Variants in VPS13B observed in about 807,000 individuals in gnomAD.
The protein encoded by VPS13B is vacuolar protein sorting 13 homolog B.
In VPS13B, 285 loss-of-function variants were observed where a neutral mutation model predicts 426.4. The ratio of observed to expected loss-of-function variants is 0.67; its 90% confidence interval spans 0.61 to 0.74. The LOEUF is 0.74. Among genes scored for constraint, VPS13B ranks in the 30% least tolerant of loss-of-function variants. The pLI, the probability that VPS13B is intolerant of heterozygous loss-of-function variation, is 0.00. For missense variants in VPS13B, 4,537 were observed against 4,782.6 expected (o/e 0.95, Z 1.51); for synonymous variants, 1,676 against 1,676.4 (o/e 1.00, Z 0.01).
rs760171272 is a variant in VPS13B, at chr8:99,111,189, C to T, written c.672C>T (p.Tyr224=). The change falls in exon 6 of 62, where the codon TAC becomes TAT. Residue 224 remains tyrosine (Y), a synonymous_variant. Coordinates refer to ENST00000357162, the MANE Select transcript of VPS13B (RefSeq NM_152564.5). ...KRNASGKIEF[Y]QDPLLYKCSF... is the part of the protein sequence containing the mutation. ...ATGCCAGTGGTAAAATAGAATTTTA[C>T]CAGGATCCTTTATTATACAAATGTT... The T allele has an allele frequency of 6.3e-6, 10 of 1,599,214 alleles. No homozygotes were observed. In the East Asian group the frequency reaches 1.8e-4, roughly 29 times the overall value.
intron 33 of VPS13B, among the ~76,000 whole-genome samples, chr8:99,618,295 A>T (rs1478905439): frequency 6.6e-6 from 1 of 152,060 alleles, no homozygotes; most frequent in Non-Finnish European, 1.5e-5. Flanking sequence ...AAAAAAAAAA[A>T]AAAAAATTCT....
chr8:99,050,859 T>G (rs532330718), intron 3 of VPS13B, among the ~76,000 whole-genome samples: 1 of 152,364 alleles, frequency 6.6e-6, no homozygotes, highest in South Asian at 2.1e-4. Flanking sequence ...TTCATATGCT[T>G]TGCCCACTTT....
intron 20 of VPS13B, among the ~76,000 whole-genome samples, chr8:99,390,603 G>A (rs1304028505): frequency 6.6e-6 from 1 of 152,010 alleles, no homozygotes; most frequent in African/African-American, 2.4e-5. Context: ...TAAAACTTTG[G>A]TTGTGGTACT....
At chr8:99,696,468 C>T (rs1274305687) in intron 35 of VPS13B, 8 of 383,556 alleles carry the variant, frequency 2.1e-5, no homozygotes, top group East Asian at 6.2e-5. Flanking sequence ...TCTCCGGATC[C>T]GCGCCGACCT....
At chr8:99,765,198 T>C (rs1424968861) in intron 39 of VPS13B, among the ~76,000 whole-genome samples, 1 of 152,188 alleles carries the variant, frequency 6.6e-6, no homozygotes, top group Non-Finnish European at 1.5e-5. Flanking sequence ...TGAGCTGAGA[T>C]CGTACCACTT....
At chr8:99,382,284 G>C (rs1422706368) in intron 19 of VPS13B, among the ~76,000 whole-genome samples, 2 of 151,994 alleles carry the variant, frequency 1.3e-5, no homozygotes, top group South Asian at 4.1e-4. Context: ...TGTTCTTTTA[G>C]CTTAGGATTG....
At chr8:99,824,130 TG>T in intron 51 of VPS13B, 152 bp downstream of exon 51, 16 of 975,516 alleles carry the variant, frequency 1.6e-5, no homozygotes, top group South Asian at 3.0e-5. Flanking sequence ...AAACCATGAA[TG>T]TCATGGTCAC....
At chr8:99,822,240 T>C (rs577274415) in intron 50 of VPS13B, among the ~76,000 whole-genome samples, 4 of 152,320 alleles carry the variant, frequency 2.6e-5, no homozygotes, top group African/African-American at 9.6e-5. Flanking sequence ...CAGATTGACC[T>C]TTTTCAGGGG....
chr8:99,025,333 G>C (rs1050416808), intron 2 of VPS13B, among the ~76,000 whole-genome samples: 1 of 152,062 alleles, frequency 6.6e-6, no homozygotes, highest in African/African-American at 2.4e-5. Context: ...GTTGAATAAG[G>C]GTGGTGAAAA....
chr8:99,783,807 T>TAC (rs1017848255), intron 42 of VPS13B, among the ~76,000 whole-genome samples: 10 of 151,898 alleles, frequency 6.6e-5, no homozygotes, highest in South Asian at 4.1e-4. Flanking sequence ...TGAGCAGATT[T>TAC]ACACACACAC....
In VPS13B at chr8:99,352,498, A is replaced by C. The variant is rs1811944456; in HGVS notation, c.2825-31710A>C. ...TTGAGTTTTAAAAGATGAAAGAAAAATGTATATGACCAGGAAAACTTGAGC... is the reference window on the plus strand; with the variant it reads ...TTGAGTTTTAAAAGATGAAAGAAAACTGTATATGACCAGGAAAACTTGAGC... On this transcript the variant is annotated intron_variant, in intron 19 of 61. Transcript: ENST00000357162. 1.3e-5 allele frequency among the ~76,000 whole-genome samples: 2 copies of C among 152,218 alleles called. 1 individual carries two copies. Among genetic ancestry groups the C allele is most frequent in the South Asian group, 4.1e-4 (2 of 4,834 alleles).
At chr8:99,654,240 G>A (rs1002604448) in intron 34 of VPS13B, among the ~76,000 whole-genome samples, 11 of 151,732 alleles carry the variant, frequency 7.2e-5, no homozygotes, top group African/African-American at 2.2e-4. Flanking sequence ...AGTAGAGACG[G>A]GGTTTCACTG....
chr8:99,459,615 A>C (rs1435954547), intron 23 of VPS13B, among the ~76,000 whole-genome samples: 2 of 152,196 alleles, frequency 1.3e-5, no homozygotes, highest in African/African-American at 2.4e-5. Flanking sequence ...AGTTTTGGTA[A>C]GTATTAATTG....
intron 34 of VPS13B, among the ~76,000 whole-genome samples, chr8:99,646,548 T>C (rs1279735344): frequency 1.3e-5 from 2 of 152,172 alleles, no homozygotes; most frequent in African/African-American, 4.8e-5. Context: ...TTTATTCTTT[T>C]CTATAAGGTA....
At chr8:99,528,289 A>G (rs1044830593) in intron 30 of VPS13B, among the ~76,000 whole-genome samples, 2 of 152,106 alleles carry the variant, frequency 1.3e-5, no homozygotes, top group Non-Finnish European at 2.9e-5. Context: ...TATTAATACA[A>G]TAGGGATCTT....
At chr8:99,073,834 G>T (rs555381789) in intron 3 of VPS13B, among the ~76,000 whole-genome samples, 1 of 150,968 alleles carries the variant, frequency 6.6e-6, no homozygotes, top group South Asian at 2.1e-4. Context: ...GCAGTGGTGC[G>T]ATCAGGGCCC....
chr8:99,059,506 A>T (rs950891993), intron 3 of VPS13B, among the ~76,000 whole-genome samples: 2 of 151,988 alleles, frequency 1.3e-5, no homozygotes, highest in Non-Finnish European at 2.9e-5. Flanking sequence ...GACTGTATCA[A>T]TTGATACAGT....
At position 99,520,950 on chromosome 8, in the gene VPS13B, C is replaced by T; in HGVS notation, c.4685C>T (p.Ala1562Val). Residue 1562 changes from alanine (A) to valine (V), a missense_variant, in exon 30 of 62, where the codon GCC (alanine) becomes GTC (valine). Ala to Val is a moderately conservative substitution (Grantham distance 64, BLOSUM62 0). Transcript: ENST00000357162. ...DTVVLKIGSV[A>V]MAPQADNPLG... is the part of the protein sequence containing the mutation. ...GTGGTTTTGAAGATTGGCTCTGTTG[C>T]CATGGCTCCCCAGGCTGACAATCCC... The T allele has an allele frequency of 6.2e-7, 1 of 1,613,748 alleles. No individual in the cohort carries two copies.
chr8:99,832,472 T>C lies in VPS13B; in HGVS notation c.9434T>C (p.Ile3145Thr). The change falls in exon 52 of 62, where the codon ATC becomes ACC. Residue 3145 changes from isoleucine (I) to threonine (T), a missense_variant. This residue lies in a region of VPS13B where 4,311 missense variants were observed against 4,474.3 expected (regional missense o/e 0.96). Transcript: ENST00000357162. ...SLPCWDLMPDISQSVLDASLL... is the reference protein window; with the variant it reads ...SLPCWDLMPDTSQSVLDASLL... ...CCTTGCTGGGACTTGATGCCTGACATCAGTCAGTCAGTACTGGATGCATCC... is the reference window on the plus strand; with the variant it reads ...CCTTGCTGGGACTTGATGCCTGACACCAGTCAGTCAGTACTGGATGCATCC... The C allele has an allele frequency of 6.2e-7, 1 of 1,608,584 alleles. No homozygotes were observed. Among genetic ancestry groups the C allele is most frequent in the Non-Finnish European group, 8.5e-7 (1 of 1,177,458 alleles).
Sources: allele counts gnomAD v4.1 joint callset (sites outside exome capture counted in the v4.1 genomes callset), GRCh38; gene constraint gnomAD v4.1.1; regional missense constraint gnomAD v4.1.1; transcripts MANE v1.5; gene names NCBI Gene and HGNC (gene_info 2026-07-23, HGNC 2026-07-21).